Variants in CSMD1 observed in about 807,000 individuals in gnomAD.
CSMD1 encodes CUB and sushi domain-containing protein 1.
Under a neutral mutation model 417.5 loss-of-function variants are expected in CSMD1, and 213 were observed. The ratio of observed to expected loss-of-function variants is 0.51; its 90% CI spans 0.46 to 0.57. CSMD1 has a LOEUF of 0.57. Ranked by LOEUF, CSMD1 falls within the 20% of genes least tolerant of loss-of-function variation. CSMD1 has a pLI of 0.00. For synonymous variants in CSMD1, 2,862 were observed against 1,736.8 expected (o/e 1.65, Z -16.11); for missense variants, 6,923 against 4,529.7 (o/e 1.53, Z -15.17).
intron 1 of CSMD1, among the ~76,000 whole-genome samples, chr8:4,765,846 C>G (rs1585064425): frequency 2.0e-5 from 3 of 152,292 alleles, no homozygotes; most frequent in African/African-American, 7.2e-5. Flanking sequence ...AGCTTAGTAA[C>G]TGGGCTGATT....
chr8:4,666,937 T>A (rs1408809459), intron 1 of CSMD1, among the ~76,000 whole-genome samples: 1 of 152,188 alleles, frequency 6.6e-6, no homozygotes, highest in Non-Finnish European at 1.5e-5. Flanking sequence ...TTTGCCTCAA[T>A]TTGTGAAGCA....
chr8:3,630,872 C>A (rs1258049291), intron 7 of CSMD1, among the ~76,000 whole-genome samples: 1 of 152,122 alleles, frequency 6.6e-6, no homozygotes, highest in East Asian at 1.9e-4. Flanking sequence ...CTCAGTTGGT[C>A]TGTTGGTTAT....
At chr8:3,544,496 G>A (rs778247755) in intron 10 of CSMD1, among the ~76,000 whole-genome samples, 1 of 152,030 alleles carries the variant, frequency 6.6e-6, no homozygotes, top group Non-Finnish European at 1.5e-5. Context: ...CCCAGTTGAC[G>A]TTCTGAATAA....
intron 10 of CSMD1, among the ~76,000 whole-genome samples, chr8:3,567,997 T>C (rs1165267885): frequency 6.6e-6 from 1 of 152,208 alleles, no homozygotes; most frequent in East Asian, 1.9e-4. Context: ...GGAATTCATC[T>C]GATGCCTTAG....
intron 3 of CSMD1, among the ~76,000 whole-genome samples, chr8:4,261,846 G>T (rs1012642497): frequency 6.6e-6 from 1 of 152,040 alleles, no homozygotes; most frequent in Non-Finnish European, 1.5e-5. Context: ...TAAAGATTTT[G>T]TTCATTATAC....
intron 12 of CSMD1, among the ~76,000 whole-genome samples, chr8:3,429,947 G>A (rs147362547): frequency 8.5e-5 from 13 of 152,192 alleles, no homozygotes; most frequent in East Asian, 3.9e-4. Context: ...TGTCAATCTC[G>A]ATATGTATTA....
At chr8:4,729,203 C>A (rs1425647425) in intron 1 of CSMD1, among the ~76,000 whole-genome samples, 1 of 151,988 alleles carries the variant, frequency 6.6e-6, no homozygotes, top group Admixed American at 6.6e-5. Context: ...AATAAAAATG[C>A]TGTTTAAATA....
At chr8:4,190,600 G>A (rs1291698469) in intron 3 of CSMD1, among the ~76,000 whole-genome samples, 2 of 150,398 alleles carry the variant, frequency 1.3e-5, no homozygotes, top group Non-Finnish European at 2.9e-5. Context: ...TTATAACGAT[G>A]TGGAATGGAA....
chr8:4,830,881 G>T (rs1037180329), intron 1 of CSMD1, among the ~76,000 whole-genome samples: 1 of 152,160 alleles, frequency 6.6e-6, no homozygotes, highest in Non-Finnish European at 1.5e-5. Flanking sequence ...AAATCAAGAT[G>T]ATTCCTCTAG....
intron 2 of CSMD1, among the ~76,000 whole-genome samples, chr8:4,460,795 A>C (rs1017341824): frequency 6.6e-6 from 1 of 152,188 alleles, no homozygotes; most frequent in East Asian, 1.9e-4. Context: ...AAATTATGCT[A>C]AAGAAAATTC....
intron 3 of CSMD1, among the ~76,000 whole-genome samples, chr8:4,302,549 A>G (rs1231671870): frequency 1.3e-5 from 2 of 152,136 alleles, no homozygotes; most frequent in Non-Finnish European, 1.5e-5. Flanking sequence ...CCGTCTTGAA[A>G]GTCAGGTTTC....
In CSMD1 at chr8:3,595,859, A is replaced by T. The variant is rs538664536; in HGVS notation, c.1098-9599T>A. Among the ~76,000 whole-genome samples, 6 of 152,330 alleles carry T rather than the reference A, an allele frequency of 3.9e-5. No homozygotes were observed. The East Asian group carries it at 7.7e-4, about 20-fold the overall frequency. ...GCAAAAGCTGTTTGCACACTGTGTG[A>T]ACGTGGAAGAGGGTTTGGATGCAGC... On this transcript the variant is annotated intron_variant, in intron 8 of 69. Coordinates refer to ENST00000635120, the MANE Select transcript of CSMD1 (RefSeq NM_033225.6).
chr8:4,888,575 C>A (rs1352225153), intron 1 of CSMD1, among the ~76,000 whole-genome samples: 1 of 151,930 alleles, frequency 6.6e-6, no homozygotes, highest in Non-Finnish European at 1.5e-5. Context: ...TGTACCCTAA[C>A]TCTATCTGCT....
intron 12 of CSMD1, among the ~76,000 whole-genome samples, chr8:3,425,362 C>A (rs1448959080): frequency 6.6e-6 from 1 of 151,830 alleles, no homozygotes; most frequent in South Asian, 2.1e-4. Context: ...GGCTGAGGTG[C>A]GTGGATCACG....
intron 1 of CSMD1, among the ~76,000 whole-genome samples, chr8:4,772,730 T>A (rs1438085338): frequency 3.3e-5 from 5 of 152,200 alleles, no homozygotes. Context: ...TGAATTCAGA[T>A]GAAGTGGATT....
chr8:3,409,481 C>CT lies in CSMD1; in HGVS notation c.1685dup (p.Arg563GlufsTer65). The CT allele has an allele frequency of 6.2e-7, 1 of 1,611,664 alleles. No homozygotes were observed. Among genetic ancestry groups the CT allele is most frequent in the Non-Finnish European group, 8.5e-7 (1 of 1,178,962 alleles). On this transcript the variant is annotated frameshift_variant, in exon 13 of 70. Coordinates refer to ENST00000635120, the MANE Select transcript of CSMD1 (RefSeq NM_033225.6). LOFTEE classifies it high-confidence loss of function. ...TGTTCTGCTGACAGGTGATAACTCT[C>CT]TCCCCCACCAGCTCAAAGGCCGCCG... is the stretch of plus-strand genomic sequence containing the variant.
intron 3 of CSMD1, among the ~76,000 whole-genome samples, chr8:4,038,612 G>C (rs149680039): frequency 2.0e-5 from 3 of 152,322 alleles, no homozygotes; most frequent in Non-Finnish European, 4.4e-5. Flanking sequence ...GAAGAATTTA[G>C]TAAATACCTA....
chr8:3,115,607 T>G (rs1195273206), intron 42 of CSMD1, among the ~76,000 whole-genome samples: 2 of 152,224 alleles, frequency 1.3e-5, no homozygotes, highest in Non-Finnish European at 2.9e-5. Flanking sequence ...CAGAGACATA[T>G]TCTTTCATTT....
chr8:3,981,035 C>T (rs1003992548), intron 5 of CSMD1, among the ~76,000 whole-genome samples: 3 of 152,068 alleles, frequency 2.0e-5, no homozygotes, highest in African/African-American at 7.2e-5. Flanking sequence ...CTGTAGTAAC[C>T]ATGAATTTTC....
Sources: allele counts gnomAD v4.1 joint callset (sites outside exome capture counted in the v4.1 genomes callset), GRCh38; gene constraint gnomAD v4.1.1; transcripts MANE v1.5; gene names NCBI Gene and HGNC (gene_info 2026-07-23, HGNC 2026-07-21).